The following ADARB2 variants were observed in gnomAD, a reference collection of about 807,000 sequenced individuals.
ADARB2 encodes inactive double-stranded RNA-specific editase B2.
In ADARB2, 25 loss-of-function variants were observed where a neutral mutation model predicts 62.2. The observed-to-expected ratio is 0.40, with a 90% CI of 0.29 to 0.56. The LOEUF (loss-of-function observed/expected upper bound fraction) is 0.56, where lower values mean the gene tolerates loss of function less well. ADARB2 is among the 20% of genes least tolerant of loss of function. The probability of loss-of-function intolerance (pLI) is 0.43; values close to 1 mark genes in which losing one functional copy is unlikely to be tolerated. For missense variants in ADARB2, 1,071 were observed against 1,077.4 expected, an observed-to-expected ratio of 0.99 and a Z score of 0.08; for synonymous variants, 572 against 500.8, an observed-to-expected ratio of 1.14 and a Z score of -1.90.
At chr10:1,441,126 C>G (rs946554709) in intron 1 of ADARB2, among the ~76,000 whole-genome samples, 11 of 152,198 alleles carry the variant, frequency 7.2e-5, no homozygotes, top group African/African-American at 2.7e-4. Flanking sequence ...CAGTAGACGA[C>G]TAGTTTCACT....
intron 1 of ADARB2, among the ~76,000 whole-genome samples, chr10:1,688,976 T>C (rs1834634265): frequency 6.6e-6 from 1 of 152,218 alleles, no homozygotes; most frequent in African/African-American, 2.4e-5. Context: ...ACTTCCTCAG[T>C]ACATTTTGCA....
chr10:1,249,992 G>A (rs1831021968), intron 4 of ADARB2, among the ~76,000 whole-genome samples: 1 of 149,562 alleles, frequency 6.7e-6, no homozygotes, highest in South Asian at 2.2e-4. Flanking sequence ...GAGATAATAG[G>A]AATAAGTTTA....
chr10:1,473,673 C>G (rs1427999054), intron 1 of ADARB2, among the ~76,000 whole-genome samples: 1 of 152,226 alleles, frequency 6.6e-6, no homozygotes, highest in African/African-American at 2.4e-5. Context: ...TGAGCTACTG[C>G]ACCTGGCCTC....
chr10:1,719,307 A>T (rs2119163012), intron 1 of ADARB2, among the ~76,000 whole-genome samples: 1 of 151,812 alleles, frequency 6.6e-6, no homozygotes, highest in East Asian at 1.9e-4. Flanking sequence ...AGTCTCACAC[A>T]CTCCTCTATT....
At chr10:1,483,847 T>A (rs1831507955) in intron 1 of ADARB2, among the ~76,000 whole-genome samples, 1 of 152,238 alleles carries the variant, frequency 6.6e-6, no homozygotes, top group Admixed American at 6.5e-5. Flanking sequence ...GTGCTGGAAT[T>A]ATCCCTCCAG....
rs540241734 is a variant in ADARB2 at position 1,554,146 on chromosome 10, C to A, written c.101-174986G>T. Among the ~76,000 whole-genome samples, 3 of 152,296 alleles carry A rather than the reference C, an allele frequency of 2.0e-5. No individual in the cohort carries two copies. In the South Asian group the frequency reaches 6.2e-4, roughly 32 times the overall value. ...GCCCTATTTCTCTTTCCCCACCCATCTGCAGGGCAGGCCCTGGTTCTGTCT... is the reference window on the plus strand; with the variant it reads ...GCCCTATTTCTCTTTCCCCACCCATATGCAGGGCAGGCCCTGGTTCTGTCT... On this transcript the variant is annotated intron_variant, in intron 1 of 9. Transcript: ENST00000381312.
At chr10:1,322,491 T>C (rs923299550) in intron 3 of ADARB2, among the ~76,000 whole-genome samples, 3 of 152,114 alleles carry the variant, frequency 2.0e-5, no homozygotes, top group Non-Finnish European at 4.4e-5. Context: ...TTTAGGGAGA[T>C]TTACCAGATT....
chr10:1,588,264 C>T (rs1164191998), intron 1 of ADARB2, among the ~76,000 whole-genome samples: 1 of 152,128 alleles, frequency 6.6e-6, no homozygotes, highest in African/African-American at 2.4e-5. Context: ...GGCCTGAAAC[C>T]CTGAACGTAT....
intron 1 of ADARB2, among the ~76,000 whole-genome samples, chr10:1,568,937 T>A (rs1191469834): frequency 6.6e-6 from 1 of 152,052 alleles, no homozygotes; most frequent in Non-Finnish European, 1.5e-5. Flanking sequence ...AAGTTACGAT[T>A]TGTATGATGA....
intron 2 of ADARB2, among the ~76,000 whole-genome samples, chr10:1,370,706 G>A (rs1326593135): frequency 2.0e-5 from 3 of 152,112 alleles, no homozygotes; most frequent in African/African-American, 7.2e-5. Flanking sequence ...ATTTACAATA[G>A]CCACACACAC....
intron 5 of ADARB2, among the ~76,000 whole-genome samples, chr10:1,241,165 G>A (rs1830917126): frequency 6.6e-6 from 1 of 152,122 alleles, no homozygotes; most frequent in African/African-American, 2.4e-5. Flanking sequence ...AGGTTGAGGT[G>A]GGAGAATTGC....
intron 1 of ADARB2, among the ~76,000 whole-genome samples, chr10:1,423,693 T>C (rs111990346): frequency 0.014 from 2,078 of 151,456 alleles, 21 homozygotes; most frequent in African/African-American, 0.04. Flanking sequence ...GTAAGACCAC[T>C]GTGTATGCAG....
At chr10:1,593,444 G>C (rs529033016) in intron 1 of ADARB2, among the ~76,000 whole-genome samples, 4 of 152,254 alleles carry the variant, frequency 2.6e-5, no homozygotes, top group African/African-American at 9.6e-5. Context: ...AGTGTCAGGT[G>C]ACCATGAGTG....
intron 6 of ADARB2, among the ~76,000 whole-genome samples, chr10:1,221,221 T>G (rs1427303286): frequency 6.6e-6 from 1 of 152,150 alleles, no homozygotes; most frequent in African/African-American, 2.4e-5. Flanking sequence ...CTCAAACTCC[T>G]GACTGCTGTG....
intron 7 of ADARB2, among the ~76,000 whole-genome samples, chr10:1,208,109 C>T (rs1384964822): frequency 6.6e-6 from 1 of 152,206 alleles, no homozygotes; most frequent in African/African-American, 2.4e-5. Flanking sequence ...GTGACTACCA[C>T]TTTCTGCAGT....
chr10:1,509,143 T>A (rs951650648), intron 1 of ADARB2, among the ~76,000 whole-genome samples: 5 of 152,172 alleles, frequency 3.3e-5, no homozygotes, highest in Non-Finnish European at 7.3e-5. Context: ...GTGATTAGCG[T>A]GTTTTTCAGA....
intron 1 of ADARB2, among the ~76,000 whole-genome samples, chr10:1,527,602 A>C (rs1588288509): frequency 6.6e-6 from 1 of 152,220 alleles, no homozygotes; most frequent in East Asian, 1.9e-4. Flanking sequence ...ACTTGCTGTA[A>C]AAAGACTTGA....
At chr10:1,411,338 T>G (rs1047131084) in intron 1 of ADARB2, among the ~76,000 whole-genome samples, 22 of 152,142 alleles carry the variant, frequency 1.4e-4, no homozygotes, top group African/African-American at 5.3e-4. Flanking sequence ...CACCGGAGGC[T>G]CCGTCGTTAG....
chr10:1,456,271 G>A (rs1831094733), intron 1 of ADARB2, among the ~76,000 whole-genome samples: 1 of 152,114 alleles, frequency 6.6e-6, no homozygotes. Flanking sequence ...ACCAGCAAAA[G>A]GATCTTCCCT....
Sources: allele counts gnomAD v4.1 joint callset (sites outside exome capture counted in the v4.1 genomes callset), GRCh38; gene constraint gnomAD v4.1.1; transcripts MANE v1.5; gene names NCBI Gene and HGNC (gene_info 2026-07-23, HGNC 2026-07-21).